Variants in ZFP37 observed in about 807,000 individuals in gnomAD.
The protein encoded by ZFP37 is ZFP37 zinc finger protein.
Under a neutral mutation model 52.1 loss-of-function variants are expected in ZFP37, and 38 were observed. The observed-to-expected ratio is 0.73, with a 90% CI of 0.56 to 0.96. ZFP37 has a LOEUF of 0.96. ZFP37 is among the 40% of genes least tolerant of loss of function. The pLI, the probability that ZFP37 is intolerant of heterozygous loss-of-function variation, is 0.00. For synonymous variants in ZFP37, 253 were observed against 259.5 expected (o/e 0.98, Z 0.24); for missense variants, 695 against 741.4 (o/e 0.94, Z 0.73).
intron 3 of ZFP37, among the ~76,000 whole-genome samples, chr9:113,047,643 T>TTGGAAAAA (rs1464491708): frequency 6.6e-6 from 1 of 152,004 alleles, no homozygotes; most frequent in Non-Finnish European, 1.5e-5. Flanking sequence ...TACCTAAGAA[T>TTGGAAAAA]TGGAAAAATT....
chr9:113,050,018 CATG>C (rs1433290105), intron 1 of ZFP37, 146 bp from the exon 2 acceptor site: 23 of 1,294,914 alleles, frequency 1.8e-5, no homozygotes, highest in Non-Finnish European at 2.3e-5. Context: ...CACTGTTGAT[CATG>C]ATATTATAAA....
At chr9:113,045,738 C>A (rs1249194770) in intron 3 of ZFP37, among the ~76,000 whole-genome samples, 1 of 152,100 alleles carries the variant, frequency 6.6e-6, no homozygotes, top group Admixed American at 6.5e-5. Context: ...TGCCTAAGAA[C>A]CTGAAATTGA....
Position 113,044,118 on chromosome 9 carries a change from T to A in ZFP37, c.500A>T (p.His167Leu), listed in dbSNP as rs1262597047. ...AAGAAGCCTTTTCTTTGAAGGAACA[T>A]GTTTTTTATGCAAATTATTTTTTTT... Reference protein sequence around the residue: ...LGKKNNLHKKHVPSKKRLLKF... With the variant: ...LGKKNNLHKKLVPSKKRLLKF... The change falls in exon 4 of 4, where the codon CAT becomes CTT. Residue 167 changes from histidine to leucine, a missense_variant. Transcript: ENST00000374227. 1 of 1,611,590 alleles carries A rather than the reference T, an allele frequency of 6.2e-7. No homozygotes were observed. The highest frequency in any genetic ancestry group is 1.7e-5 in the Admixed American group (1 of 59,566).
At chr9:113,050,406 T>C (rs543326688) in intron 1 of ZFP37, among the ~76,000 whole-genome samples, 1 of 150,292 alleles carries the variant, frequency 6.7e-6, no homozygotes, top group Non-Finnish European at 1.5e-5. Context: ...AATGTCCCTA[T>C]TGTGAATTTA....
chr9:113,042,674 C>G lies in ZFP37; in HGVS notation c.*51G>C, dbSNP rs1828867037. On this transcript the variant is annotated 3_prime_UTR_variant, in exon 4 of 4. Transcript: ENST00000374227. ...AACACTCTTTAAAATCAGCATATTT[C>G]CAAGGTTCAACAAAACCTTAAATTT... 4.8e-6 allele frequency: 7 copies of G among 1,449,366 alleles called. No homozygotes were observed. The highest frequency in any genetic ancestry group is 6.5e-6 in the Non-Finnish European group (7 of 1,082,304). 89.8% of individuals were successfully genotyped at this position (1,449,366 alleles called of 1,614,324 possible).
intron 1 of ZFP37, among the ~76,000 whole-genome samples, chr9:113,053,580 T>C (rs1829093439): frequency 6.6e-6 from 1 of 152,230 alleles, no homozygotes. Flanking sequence ...TAGGTGATTA[T>C]TTTGAACATT....
Position 113,043,756 on chromosome 9 carries a change from C to T in ZFP37, c.862G>A (p.Ala288Thr). The T allele has an allele frequency of 6.2e-7, 1 of 1,614,004 alleles. No homozygotes were observed. Among genetic ancestry groups the T allele is most frequent in the Non-Finnish European group, 8.5e-7 (1 of 1,179,970 alleles). Residue 288 changes from alanine (A) to threonine (T), a missense_variant, in exon 4 of 4, where the codon GCT becomes ACT. By Grantham distance (58) the Ala-to-Thr change is moderately conservative. This residue lies in a region of ZFP37 where 369 missense variants were observed against 340.9 expected (regional missense o/e 1.08). Coordinates refer to ENST00000374227, the MANE Select transcript of ZFP37 (RefSeq NM_003408.3). Reference protein sequence around the residue: ...SSSTKHEKPQACVKPYECNQC... With the variant: ...SSSTKHEKPQTCVKPYECNQC... The stretch of plus-strand genomic sequence containing the variant: ...TTACATTCATAGGGTTTCACACAAG[C>T]TTGAGGTTTTTCATGCTTAGTAGAT...
Position 113,049,869 on chromosome 9 carries a change from A to C in ZFP37, c.136T>G (p.Trp46Gly). The C allele has an allele frequency of 6.2e-7, 1 of 1,614,062 alleles. No homozygotes were observed. The highest frequency in any genetic ancestry group is 1.1e-5 in the South Asian group (1 of 91,078). The change falls in exon 2 of 4, where the codon TGG (tryptophan) becomes GGG (glycine). Residue 46 changes from tryptophan (W) to glycine (G), a missense_variant. Physicochemically the swap from Trp to Gly is radical, Grantham distance 184. This residue lies in a region of ZFP37 where 369 missense variants were observed against 340.9 expected (regional missense o/e 1.08). Coordinates refer to ENST00000374227, the MANE Select transcript of ZFP37 (RefSeq NM_003408.3). The part of the protein sequence containing the change: ...VSEPEASAAE[W>G]KQLDPAQSNL... ...CTCTGAGCAGGATCCAGTTGCTTCC[A>C]TTCCTTCTGGGTAAAGGCCATAGTC...
chr9:113,055,912 A>C (rs1031203993), intron 1 of ZFP37, among the ~76,000 whole-genome samples: 1 of 152,124 alleles, frequency 6.6e-6, no homozygotes, highest in Non-Finnish European at 1.5e-5. Context: ...ATTGACCTGC[A>C]TACATCCCCA....
chr9:113,047,539 C>T (rs1828980118), intron 3 of ZFP37, among the ~76,000 whole-genome samples: 1 of 151,734 alleles, frequency 6.6e-6, no homozygotes, highest in Admixed American at 6.6e-5. Context: ...TGCTTGAGAC[C>T]AGCAGTTCAA....
Position 113,039,641 on chromosome 9 carries a change from C to T in ZFP37, c.*3084G>A, listed in dbSNP as rs2118669761. The T allele has an allele frequency of 6.6e-6, 1 of 152,216 alleles. No individual in the cohort carries two copies. The highest frequency in any genetic ancestry group is 1.9e-4 in the East Asian group (1 of 5,182). The allele number at this position is 152,216 out of a possible 1,614,324, so 9.4% of individuals were successfully genotyped here. The stretch of plus-strand genomic sequence containing the variant: ...TTGTTTATTTATTACCTATGTCCTC[C>T]TCTAGAATTAAGGTCTATGAGAACA... On this transcript the variant is annotated 3_prime_UTR_variant, in exon 4 of 4. Coordinates refer to ENST00000374227, the MANE Select transcript of ZFP37 (RefSeq NM_003408.3).
At chr9:113,049,668 G>A in intron 2 of ZFP37, 123 bp downstream of exon 2, 1 of 1,451,234 alleles carries the variant, frequency 6.9e-7, no homozygotes, top group Non-Finnish European at 9.2e-7. Flanking sequence ...CAAATATCCT[G>A]CCTAGTACCC....
At chr9:113,056,451 T>C in intron 1 of ZFP37, 106 bp downstream of exon 1, 3 of 1,532,000 alleles carry the variant, frequency 2.0e-6, no homozygotes, top group Non-Finnish European at 2.6e-6. Context: ...CTAGCATCGA[T>C]TCCACCAATT....
At position 113,043,173 on chromosome 9, in the gene ZFP37, G is replaced by A. The variant is rs764455244; in HGVS notation, c.1445C>T (p.Thr482Ile). ...TTTATAAGGTTTCTCCTTAGTATGA[G>A]TTCTTTGATGTATAATGAGGTGTGA... is the stretch of plus-strand genomic sequence containing the variant. The part of the protein sequence containing the change: ...KKSHLIIHQR[T>I]HTKEKPYKCN... The change falls in exon 4 of 4, where the codon ACT becomes ATT. Residue 482 changes from threonine (T) to isoleucine (I), a missense_variant. This residue lies in a region of ZFP37 where 326 missense variants were observed against 400.5 expected (regional missense o/e 0.81). Transcript: ENST00000374227. The A allele has an allele frequency of 6.2e-7, 1 of 1,613,766 alleles. No individual in the cohort carries two copies. Among genetic ancestry groups the A allele is most frequent in the Non-Finnish European group, 8.5e-7 (1 of 1,179,948 alleles).
At chr9:113,055,982 A>G (rs1444746664) in intron 1 of ZFP37, among the ~76,000 whole-genome samples, 1 of 151,618 alleles carries the variant, frequency 6.6e-6, no homozygotes, top group African/African-American at 2.4e-5. Context: ...ACACCTCAAC[A>G]TTGACTCCCC....
In ZFP37 at chr9:113,043,838, A is replaced by C. The variant is rs1043223214; in HGVS notation, c.780T>G (p.Ile260Met). The C allele has an allele frequency of 6.2e-6, 10 of 1,613,936 alleles. No homozygotes were observed. Among genetic ancestry groups the C allele is most frequent in the Non-Finnish European group, 7.6e-6 (9 of 1,179,976 alleles). ...DKLCCHSSSHIKQDKIQTGEK... is the reference protein window; with the variant it reads ...DKLCCHSSSHMKQDKIQTGEK... ...CTCCAGTTTGAATTTTGTCCTGTTT[A>C]ATATGGGATGAACTATGACAGCATA... The change falls in exon 4 of 4, where the codon ATT becomes ATG. Residue 260 changes from isoleucine to methionine, a missense_variant. Transcript: ENST00000374227.
chr9:113,042,889 CGT>C lies in ZFP37; in HGVS notation c.1727_1728del (p.Asn576ArgfsTer3), dbSNP rs746751277. The C allele has an allele frequency of 6.2e-7, 1 of 1,613,840 alleles. No homozygotes were observed. Among genetic ancestry groups the C allele is most frequent in the Non-Finnish European group, 8.5e-7 (1 of 1,179,898 alleles). On this transcript the variant is annotated frameshift_variant, in exon 4 of 4. Transcript: ENST00000374227. LOFTEE classifies it high-confidence loss of function. ...THTGEKPYECNECEKAFNAKS... is the reference protein window; with the variant it reads ...THTGEKPYECXECEKAFNAKS... The stretch of plus-strand genomic sequence containing the variant: ...TTTGCATTAAAGGCTTTTTCACATT[CGT>C]TACATTCATAAGGTTTCTCCCCAGT...
chr9:113,050,045 C>A, intron 1 of ZFP37, 173 bp from the exon 2 acceptor site: 1 of 1,059,242 alleles, frequency 9.4e-7, no homozygotes, highest in Non-Finnish European at 1.3e-6. Context: ...TACCTATTCT[C>A]TACTCAATTT....
In ZFP37 at chr9:113,044,104, T is replaced by C. The variant is rs143306484; in HGVS notation, c.514A>G (p.Lys172Glu). 2.4e-5 allele frequency: 39 copies of C among 1,611,684 alleles called. No individual in the cohort carries two copies. In the African/African-American group the frequency reaches 4.5e-4, roughly 19 times the overall value. The change falls in exon 4 of 4, where the codon AAA becomes GAA. Residue 172 changes from lysine to glutamate, a missense_variant. Transcript: ENST00000374227. ...CATGACTCAAATTTAAGAAGCCTTT[T>C]CTTTGAAGGAACATGTTTTTTATGC... is the stretch of plus-strand genomic sequence containing the variant. ...NLHKKHVPSK[K>E]RLLKFESCGK...
Sources: allele counts gnomAD v4.1 joint callset (sites outside exome capture counted in the v4.1 genomes callset), GRCh38; gene constraint gnomAD v4.1.1; regional missense constraint gnomAD v4.1.1; transcripts MANE v1.5; gene names NCBI Gene and HGNC (gene_info 2026-07-23, HGNC 2026-07-21).